NHSL1: variants seen among roughly 807,000 people sequenced by gnomAD.
NHSL1 encodes the protein NHS-like protein 1.
Under a neutral mutation model 95.0 loss-of-function variants are expected in NHSL1, and 48 were observed. The observed-to-expected ratio is 0.51, with a 90% CI of 0.40 to 0.64. NHSL1 has a LOEUF of 0.64. Ranked by LOEUF, NHSL1 falls within the 30% of genes least tolerant of loss-of-function variation. NHSL1 has a pLI of 0.00. For missense variants in NHSL1, 1,971 were observed against 2,077.7 expected, an observed-to-expected ratio of 0.95 and a Z score of 1.00; for synonymous variants, 783 against 833.9, an observed-to-expected ratio of 0.94 and a Z score of 1.05.
rs150181119 is a variant in NHSL1, at chr6:138,684,375, C to T, written c.96+8101G>A. On this transcript the variant is annotated intron_variant, in intron 1 of 3. Transcript: ENST00000491526. The stretch of plus-strand genomic sequence containing the variant: ...AAAAAAAGGGGGAGGCCTGTGGGCG[C>T]GGTGACTCAAGCCTGTAATCCCAGC... Among the ~76,000 whole-genome samples the T allele has an allele frequency of 3.1e-3, 469 of 152,202 alleles. 3 individuals carry two copies. Among genetic ancestry groups the T allele is most frequent in the African/African-American group, 9.0e-3 (373 of 41,532 alleles).
intron 3 of NHSL1, among the ~76,000 whole-genome samples, chr6:138,460,490 A>G (rs1263611231): frequency 2.0e-5 from 3 of 152,094 alleles, no homozygotes; most frequent in African/African-American, 7.2e-5. Flanking sequence ...TTGTGTCATT[A>G]TTCCCTAAAC....
chr6:138,485,026 A>G (rs1026915812), intron 2 of NHSL1, among the ~76,000 whole-genome samples: 1 of 152,188 alleles, frequency 6.6e-6, no homozygotes, highest in African/African-American at 2.4e-5. Flanking sequence ...AGAGTCTGCA[A>G]GTCCTAGTTG....
At chr6:138,572,054 GACGGCTTCTGTGTC>G (rs1376485560) in exon 1 of NHSL1, 1 of 639,044 alleles carries the variant, frequency 1.6e-6, no homozygotes, top group African/African-American at 1.8e-5. Flanking sequence ...TATCCAAAAA[GACGGCTTCTGTGTC>G]ACCCAATTAA....
chr6:138,640,910 T>C (rs1024168282), intron 1 of NHSL1, among the ~76,000 whole-genome samples: 1 of 152,176 alleles, frequency 6.6e-6, no homozygotes, highest in African/African-American at 2.4e-5. Context: ...CATACACAAA[T>C]TGTCAGCTTT....
chr6:138,658,631 AT>A (rs1785187598), intron 1 of NHSL1, among the ~76,000 whole-genome samples: 1 of 152,184 alleles, frequency 6.6e-6, no homozygotes, highest in Non-Finnish European at 1.5e-5. Flanking sequence ...GGTATTGCAA[AT>A]AATGCTGTAA....
In NHSL1 at chr6:138,673,178, T is replaced by G. The variant is rs528075558; in HGVS notation, c.96+19298A>C. Among the ~76,000 whole-genome samples the G allele has an allele frequency of 1.0e-3, 154 of 152,266 alleles. 1 individual carries two copies. The highest frequency in any genetic ancestry group is 3.6e-3 in the African/African-American group (148 of 41,546). On this transcript the variant is annotated intron_variant, in intron 1 of 3. Coordinates refer to the NHSL1 transcript ENST00000491526. ...TGGAATCCAGTAACTTGATTGGAAT[T>G]TCACTGTAAAAACTGTATGATATTT...
At chr6:138,642,809 C>A (rs1302424892) in intron 1 of NHSL1, among the ~76,000 whole-genome samples, 2 of 151,994 alleles carry the variant, frequency 1.3e-5, no homozygotes, top group Non-Finnish European at 2.9e-5. Context: ...GATGTAGGCA[C>A]ATGCAGATAA....
intron 3 of NHSL1, among the ~76,000 whole-genome samples, chr6:138,466,316 C>T (rs571697067): frequency 2.0e-5 from 3 of 152,332 alleles, no homozygotes; most frequent in African/African-American, 7.2e-5. Flanking sequence ...GCTGGGATTA[C>T]AGGCGTGAGC....
chr6:138,578,345 T>C (rs1784001504), intron 1 of NHSL1, among the ~76,000 whole-genome samples: 1 of 152,108 alleles, frequency 6.6e-6, no homozygotes, highest in South Asian at 2.1e-4. Flanking sequence ...TCCCCTAAGG[T>C]GCAAGGGGAC....
intron 1 of NHSL1, among the ~76,000 whole-genome samples, chr6:138,606,702 C>CTTTTTTT (rs777156294): frequency 1.1e-4 from 14 of 123,408 alleles, no homozygotes; most frequent in South Asian, 2.7e-4. Context: ...TTCTTTCTTT[C>CTTTTTTT]TTTTTTTTTT....
At chr6:138,507,612 A>G (rs932434220) in intron 1 of NHSL1, among the ~76,000 whole-genome samples, 7 of 152,216 alleles carry the variant, frequency 4.6e-5, no homozygotes, top group African/African-American at 1.7e-4. Flanking sequence ...TACACATTTA[A>G]AAGGTAATGC....
upstream of NHSL1, among the ~76,000 whole-genome samples, chr6:138,503,874 G>A (rs1266732496): frequency 6.6e-6 from 1 of 152,004 alleles, no homozygotes; most frequent in African/African-American, 2.4e-5. Context: ...ACATCTATTA[G>A]GACTATCATC....
At chr6:138,676,524 C>G (rs1219475860) in intron 1 of NHSL1, among the ~76,000 whole-genome samples, 1 of 152,200 alleles carries the variant, frequency 6.6e-6, no homozygotes, top group African/African-American at 2.4e-5. Flanking sequence ...CAATTACCAT[C>G]TCAAGTATTA....
chr6:138,684,801 G>A lies in NHSL1; in HGVS notation c.96+7675C>T, dbSNP rs139843846. The stretch of plus-strand genomic sequence containing the variant: ...ACAAGTGCAGACCACAAATGAAACC[G>A]GCATGTGGAACAAGATGGCGGTCAG... On this transcript the variant is annotated intron_variant, in intron 1 of 3. Transcript: ENST00000491526. Among the ~76,000 whole-genome samples, 770 of 152,244 alleles carry A rather than the reference G, an allele frequency of 5.1e-3. 5 individuals carry two copies. Among genetic ancestry groups the A allele is most frequent in the Non-Finnish European group, 8.9e-3 (603 of 68,026 alleles).
Position 138,424,321 on chromosome 6 carries a change from C to G in NHSL1, c.4581G>C (p.Glu1527Asp). The change falls in exon 8 of 8, where the codon GAG becomes GAC. Residue 1527 changes from glutamate (E) to aspartate (D), a missense_variant. Physicochemically the swap from Glu to Asp is conservative, Grantham distance 45. Coordinates refer to ENST00000343505, the MANE Select transcript of NHSL1 (RefSeq NM_001144060.2). The surrounding 1 kb of genome is among the most constrained non-coding windows in gnomAD (Gnocchi z 5.9). ...CAGGCTCCACGGCTTCCCCTTCTCC[C>G]TCCGAGATGACGGTCATGGGGCTGC... ...IQSSPMTVIS[E>D]GEGEAVEPVD... The G allele has an allele frequency of 5.2e-6, 8 of 1,529,868 alleles. No homozygotes were observed. Among genetic ancestry groups the G allele is most frequent in the Non-Finnish European group, 7.1e-6 (8 of 1,134,658 alleles). The allele number at this position is 1,529,868 out of a possible 1,614,324, so 94.8% of individuals were successfully genotyped here.
intron 1 of NHSL1, among the ~76,000 whole-genome samples, chr6:138,672,551 T>C (rs998305722): frequency 3.9e-5 from 6 of 152,126 alleles, no homozygotes; most frequent in African/African-American, 1.4e-4. Flanking sequence ...GGCAATATGG[T>C]CTAATTCTAA....
chr6:138,476,204 T>C (rs1472013570), intron 2 of NHSL1, among the ~76,000 whole-genome samples: 2 of 152,182 alleles, frequency 1.3e-5, no homozygotes. Flanking sequence ...CATATGTTTA[T>C]CACAGCACTA....
intron 3 of NHSL1, among the ~76,000 whole-genome samples, chr6:138,454,915 G>A (rs1333706639): frequency 6.6e-6 from 1 of 152,176 alleles, no homozygotes; most frequent in Non-Finnish European, 1.5e-5. Context: ...GCATCATACT[G>A]GAAACACAGA....
At chr6:138,573,288 G>A (rs1464457760), upstream of NHSL1, among the ~76,000 whole-genome samples, 2 of 152,136 alleles carry the variant, frequency 1.3e-5, no homozygotes, top group African/African-American at 4.8e-5. Context: ...ACGGTCCTAG[G>A]GGTGTTAAAA....
Sources: allele counts gnomAD v4.1 joint callset (sites outside exome capture counted in the v4.1 genomes callset), GRCh38; gene constraint gnomAD v4.1.1; non-coding constraint Gnocchi (gnomAD v3.1); transcripts MANE v1.5; gene names NCBI Gene and HGNC (gene_info 2026-07-23, HGNC 2026-07-21).